PIK3CB: variants seen among roughly 807,000 people sequenced by gnomAD.
The protein encoded by PIK3CB is phosphatidylinositol-4,5-bisphosphate 3-kinase catalytic subunit beta.
In PIK3CB, 39 loss-of-function variants were observed where a neutral mutation model predicts 136.8. The observed-to-expected ratio is 0.29, with a 90% CI of 0.22 to 0.37. The LOEUF (loss-of-function observed/expected upper bound fraction) is 0.37, where lower values mean the gene tolerates loss of function less well. PIK3CB is among the 10% of genes least tolerant of loss of function. The probability of loss-of-function intolerance (pLI) is 1.00; values close to 1 mark genes in which losing one functional copy is unlikely to be tolerated. For synonymous variants in PIK3CB, 428 were observed against 436.6 expected (o/e 0.98, Z 0.25); for missense variants, 868 against 1,275.4 (o/e 0.68, Z 4.87).
At chr3:138,690,933 A>G in intron 15 of PIK3CB, 67 bp downstream of exon 15, 2 of 1,244,802 alleles carry the variant, frequency 1.6e-6, no homozygotes, top group Non-Finnish European at 1.1e-6. Context: ...TTTCTATTAA[A>G]TATATTATGC....
chr3:138,753,194 G>A (rs2045504670), intron 4 of PIK3CB, among the ~76,000 whole-genome samples: 1 of 152,160 alleles, frequency 6.6e-6, no homozygotes, highest in Admixed American at 6.5e-5. Flanking sequence ...TCCAGCCTGG[G>A]TACAGGGCAA....
chr3:138,796,578 G>A lies in PIK3CB; in HGVS notation c.-121-11C>T, dbSNP rs2046111613. ...CAGTTAAAACATACACTACAAAAAAGGTTGAAGACAAAAGTATTAATCTAA... is the reference window on the plus strand; with the variant it reads ...CAGTTAAAACATACACTACAAAAAAAGTTGAAGACAAAAGTATTAATCTAA... On this transcript the variant is annotated splice_polypyrimidine_tract_variant and intron_variant, in intron 1 of 23. Transcript: ENST00000674063. 6.6e-6 allele frequency: 1 copy of A among 152,050 alleles called. No homozygotes were observed. Among genetic ancestry groups the A allele is most frequent in the Non-Finnish European group, 1.5e-5 (1 of 68,020 alleles). The allele number at this position is 152,050 out of a possible 1,614,324, so 9.4% of individuals were successfully genotyped here.
intron 16 of PIK3CB, among the ~76,000 whole-genome samples, chr3:138,688,621 A>G (rs1485161369): frequency 6.6e-6 from 1 of 151,950 alleles, no homozygotes; most frequent in Non-Finnish European, 1.5e-5. Context: ...TTCAGGTAGC[A>G]TTCAGTTAAT....
rs140578043 is a variant in PIK3CB, at chr3:138,684,685, C to T, written c.2255G>A (p.Arg752Gln). ...MHTCLKQSAY[R>Q]EALSDLQSPL... is the part of the protein sequence containing the mutation. Reference sequence around the variant, plus strand: ...TGACTGCAGGTCAGAGAGGGCTTCCCGGTAAGCACTCTGTTTTAAACAGGT... The same window carrying T: ...TGACTGCAGGTCAGAGAGGGCTTCCTGGTAAGCACTCTGTTTTAAACAGGT... Residue 752 changes from arginine (R) to glutamine (Q), a missense_variant, in exon 17 of 24, where the codon CGG (arginine) becomes CAG (glutamine). Physicochemically the swap from Arg to Gln is conservative, Grantham distance 43. This residue lies in a region of PIK3CB where 165 missense variants were observed against 295.4 expected (regional missense o/e 0.56). Coordinates refer to ENST00000674063, the MANE Select transcript of PIK3CB (RefSeq NM_006219.3). 3.2e-5 allele frequency: 52 copies of T among 1,613,840 alleles called. No homozygotes were observed. Among genetic ancestry groups the T allele is most frequent in the Middle Eastern group, 1.6e-4 (1 of 6,084 alleles).
intron 16 of PIK3CB, among the ~76,000 whole-genome samples, chr3:138,685,396 C>CAAAAAAAAAAAAAAAAAAAAA (rs398052626): frequency 2.6e-4 from 15 of 58,350 alleles, no homozygotes; most frequent in African/African-American, 7.9e-4. Flanking sequence ...GAAACTGTCT[C>CAAAAAAAAAAAAAAAAAAAAA]AAAAAAAAAA....
intron 2 of PIK3CB, among the ~76,000 whole-genome samples, chr3:138,786,753 A>G (rs1029483188): frequency 5.9e-5 from 9 of 152,234 alleles, no homozygotes; most frequent in African/African-American, 2.2e-4. Flanking sequence ...ATAACATGTG[A>G]CTATTTAACA....
At chr3:138,728,602 C>T (rs1048181456) in intron 8 of PIK3CB, among the ~76,000 whole-genome samples, 1 of 151,590 alleles carries the variant, frequency 6.6e-6, no homozygotes, top group African/African-American at 2.4e-5. Flanking sequence ...ATGGTGAAAC[C>T]CCGTCTCTAC....
intron 8 of PIK3CB, among the ~76,000 whole-genome samples, chr3:138,716,192 G>C (rs193241791): frequency 6.6e-6 from 1 of 152,232 alleles, no homozygotes; most frequent in African/African-American, 2.4e-5. Flanking sequence ...AGGTCACTAG[G>C]AATTTATATC....
At chr3:138,759,455 T>C in intron 2 of PIK3CB, 96 bp from the exon 3 acceptor site, 1 of 738,680 alleles carries the variant, frequency 1.4e-6, no homozygotes, top group Non-Finnish European at 2.2e-6. Context: ...AGTCCTTAGA[T>C]TTCAATATAG....
At chr3:138,815,162 A>AAAAAAAATATAT (rs1553743711) in intron 1 of PIK3CB, among the ~76,000 whole-genome samples, 1 of 62,476 alleles carries the variant, frequency 1.6e-5, no homozygotes, top group Non-Finnish European at 3.0e-5. Context: ...AAAAAAAAAA[A>AAAAAAAATATAT]ATATATATAT....
intron 1 of PIK3CB, among the ~76,000 whole-genome samples, chr3:138,822,531 G>A (rs1289190035): frequency 6.6e-6 from 1 of 151,702 alleles, no homozygotes; most frequent in South Asian, 2.1e-4. Context: ...GTGAGACCCC[G>A]TCTCAAAAAT....
At chr3:138,678,929 G>A (rs562598532) in intron 19 of PIK3CB, among the ~76,000 whole-genome samples, 224 of 152,148 alleles carry the variant, frequency 1.5e-3, no homozygotes, top group African/African-American at 5.2e-3. Flanking sequence ...AACCAAGCCT[G>A]GTGACCCGTG....
intron 8 of PIK3CB, among the ~76,000 whole-genome samples, chr3:138,715,629 G>C (rs1298787524): frequency 6.6e-6 from 1 of 151,874 alleles, no homozygotes; most frequent in African/African-American, 2.4e-5. Context: ...TGAAAAGGAA[G>C]ATAAATACCC....
intron 2 of PIK3CB, among the ~76,000 whole-genome samples, chr3:138,771,382 C>T (rs1002043497): frequency 6.6e-6 from 1 of 151,992 alleles, no homozygotes; most frequent in African/African-American, 2.4e-5. Flanking sequence ...GCCACCGCAA[C>T]CAGCTATTTT....
At chr3:138,764,749 A>G (rs1037832412) in intron 2 of PIK3CB, among the ~76,000 whole-genome samples, 5 of 152,072 alleles carry the variant, frequency 3.3e-5, no homozygotes, top group African/African-American at 1.2e-4. Context: ...TCCTACTTTA[A>G]ACAGATTATT....
chr3:138,691,826 T>C (rs116174698), intron 14 of PIK3CB, among the ~76,000 whole-genome samples: 252 of 152,338 alleles, frequency 1.7e-3, no homozygotes, highest in African/African-American at 5.7e-3. Context: ...TTAGGTACTT[T>C]AATACTGATT....
At chr3:138,826,401 A>T in intron 1 of PIK3CB, 4 of 1,385,434 alleles carry the variant, frequency 2.9e-6, no homozygotes, top group Non-Finnish European at 4.0e-6. Flanking sequence ...TGTTTGTTTC[A>T]ATCAGCCATT....
At chr3:138,776,658 T>C (rs1340761122) in intron 2 of PIK3CB, among the ~76,000 whole-genome samples, 2 of 152,142 alleles carry the variant, frequency 1.3e-5, no homozygotes, top group Non-Finnish European at 2.9e-5. Flanking sequence ...ATTGTGGTAC[T>C]GCATTCCAGC....
chr3:138,708,996 T>A lies in PIK3CB; in HGVS notation c.1400-1707A>T, dbSNP rs139069095. 2.1e-4 allele frequency among the ~76,000 whole-genome samples: 32 copies of A among 152,156 alleles called. No individual in the cohort carries two copies. The East Asian group carries it at 5.4e-3, about 26-fold the overall frequency. On this transcript the variant is annotated intron_variant, in intron 10 of 23. Coordinates refer to ENST00000674063, the MANE Select transcript of PIK3CB (RefSeq NM_006219.3). The stretch of plus-strand genomic sequence containing the variant: ...CAGAGTCTCACTATGTTGTCCAGGC[T>A]GGTCTCAATCTCCTGGACTCAAGTG...
Sources: allele counts gnomAD v4.1 joint callset (sites outside exome capture counted in the v4.1 genomes callset), GRCh38; gene constraint gnomAD v4.1.1; regional missense constraint gnomAD v4.1.1; transcripts MANE v1.5; gene names NCBI Gene and HGNC (gene_info 2026-07-23, HGNC 2026-07-21).